CR2: variants seen among roughly 807,000 people sequenced by gnomAD.
CR2 encodes complement C3d receptor 2, also known as complement receptor type 2.
Under a neutral mutation model 123.0 loss-of-function variants are expected in CR2, and 96 were observed. The observed-to-expected ratio is 0.78, with a 90% CI of 0.66 to 0.93. CR2 has a LOEUF of 0.93. Among genes scored for constraint, CR2 ranks in the 40% least tolerant of loss-of-function variants. The probability of loss-of-function intolerance (pLI) is 0.00; values close to 1 mark genes in which losing one functional copy is unlikely to be tolerated. For synonymous variants in CR2, 484 were observed against 469.5 expected, an observed-to-expected ratio of 1.03 and a Z score of -0.40; for missense variants, 1,258 against 1,361.0, an observed-to-expected ratio of 0.92 and a Z score of 1.19.
At chr1:207,462,733 TTGAA>T (rs1282638943) in intron 1 of CR2, among the ~76,000 whole-genome samples, 1 of 152,060 alleles carries the variant, frequency 6.6e-6, no homozygotes, top group African/African-American at 2.4e-5. Flanking sequence ...CAGTAAGTAA[TTGAA>T]TGAAGAGAAG....
intron 1 of CR2, among the ~76,000 whole-genome samples, chr1:207,461,272 A>G (rs74857976): frequency 0.013 from 2,011 of 152,210 alleles, 40 homozygotes; most frequent in African/African-American, 0.046. Flanking sequence ...CTCTGACCTC[A>G]CTGTGAAAAA....
intron 1 of CR2, among the ~76,000 whole-genome samples, chr1:207,455,115 G>A (rs572116949): frequency 2.1e-4 from 32 of 152,274 alleles, no homozygotes; most frequent in Middle Eastern, 6.8e-3. Context: ...GTGGACGTCC[G>A]CAAAGGTCTC....
chr1:207,465,606 T>A (rs543797090), intron 1 of CR2, among the ~76,000 whole-genome samples: 2 of 152,326 alleles, frequency 1.3e-5, no homozygotes, highest in East Asian at 3.9e-4. Context: ...ATAGCACTGA[T>A]GTGATGAAAC....
chr1:207,479,394 C>A, intron 17 of CR2, 114 bp downstream of exon 17: 1 of 761,754 alleles, frequency 1.3e-6, no homozygotes, highest in Non-Finnish European at 2.2e-6. Context: ...GGAATGTTCT[C>A]TTTTTGGTGT....
intron 19 of CR2, 84 bp downstream of exon 19, chr1:207,485,656 G>A (rs1317540636): frequency 1.0e-5 from 8 of 772,964 alleles, no homozygotes; most frequent in Non-Finnish European, 1.6e-5. Context: ...CATTCACGGT[G>A]TATATACATG....
chr1:207,466,426 C>T, intron 1 of CR2, 100 bp from the exon 2 acceptor site: 1 of 1,367,976 alleles, frequency 7.3e-7, no homozygotes, highest in South Asian at 1.2e-5. Context: ...AAGTCTGTTT[C>T]TGAAAAAGTT....
In CR2 at chr1:207,489,714, A is replaced by T. The variant is rs1658837461; in HGVS notation, c.*591A>T. 6.6e-6 allele frequency: 1 copy of T among 152,154 alleles called. No individual in the cohort carries two copies. The highest frequency in any genetic ancestry group is 2.1e-4 in the South Asian group (1 of 4,836). The allele number at this position is 152,154 out of a possible 1,614,324, so 9.4% of individuals were successfully genotyped here. A position where few individuals can be genotyped will look rare whatever the true frequency, so the allele number is the denominator to read the frequency against. The stretch of plus-strand genomic sequence containing the variant: ...CTTTCCATAATCACTCAGTGATTGC[A>T]ATTTGCACAAGTTTTTTTAAATTAT... On this transcript the variant is annotated 3_prime_UTR_variant, in exon 20 of 20. Transcript: ENST00000367057.
At chr1:207,463,729 CTT>C (rs934094261) in intron 1 of CR2, among the ~76,000 whole-genome samples, 1 of 152,042 alleles carries the variant, frequency 6.6e-6, no homozygotes, top group African/African-American at 2.4e-5. Flanking sequence ...TTTCTTATCT[CTT>C]TGTCTTTAGA....
At position 207,472,974 on chromosome 1, in the gene CR2, C is replaced by G; in HGVS notation, c.1773C>G (p.Pro591=). The G allele has an allele frequency of 1.2e-6, 2 of 1,613,990 alleles. No individual in the cohort carries two copies. The highest frequency in any genetic ancestry group is 1.7e-6 in the Non-Finnish European group (2 of 1,179,938). The part of the protein sequence containing the change: ...QERGTWSGPA[P]LCKLSLLAVQ... ...GAGGCACCTGGAGTGGCCCTGCTCC[C>G]CTGTGTAAACTTTCCCTCCTTGCTG... Residue 591 remains proline, a synonymous_variant, in exon 10 of 20, where the codon CCC becomes CCG. Coordinates refer to ENST00000367057, the MANE Select transcript of CR2 (RefSeq NM_001006658.3).
Position 207,468,809 on chromosome 1 carries a change from G to T in CR2, c.644G>T (p.Cys215Phe), listed in dbSNP as rs1558190249. Residue 215 changes from cysteine to phenylalanine, a missense_variant, in exon 4 of 20, where the codon TGT (cysteine) becomes TTT (phenylalanine). Cys to Phe is a radical substitution (Grantham distance 205). Coordinates refer to ENST00000367057, the MANE Select transcript of CR2 (RefSeq NM_001006658.3). ...AVPPTCEEAR[C>F]KSLGRFPNGK... is the part of the protein sequence containing the mutation. ...TTGGTTTGTTTTTTAGAGGCACGCT[G>T]TAAATCTCTAGGACGATTTCCCAAT... is the stretch of plus-strand genomic sequence containing the variant. 1 of 1,614,012 alleles carries T rather than the reference G, an allele frequency of 6.2e-7. No individual in the cohort carries two copies. Among genetic ancestry groups the T allele is most frequent in the Non-Finnish European group, 8.5e-7 (1 of 1,179,934 alleles).
At chr1:207,462,379 GTGCAAGAACA>G (rs952768890) in intron 1 of CR2, among the ~76,000 whole-genome samples, 13 of 152,312 alleles carry the variant, frequency 8.5e-5, no homozygotes, top group Admixed American at 2.6e-4. Flanking sequence ...AAGCATAAGT[GTGCAAGAACA>G]TGATGTCTCT....
intron 1 of CR2, among the ~76,000 whole-genome samples, chr1:207,456,996 C>T (rs991593639): frequency 6.6e-5 from 10 of 152,206 alleles, no homozygotes; most frequent in African/African-American, 2.4e-4. Context: ...CTCTGTTGTG[C>T]TTCTCTGACT....
At chr1:207,471,280 T>A (rs763451084) in intron 8 of CR2, 143 bp from the exon 9 acceptor site, 3 of 890,202 alleles carry the variant, frequency 3.4e-6, no homozygotes, top group Admixed American at 1.7e-5. Context: ...GCCTGTGCAA[T>A]GAGAAGTTGG....
rs1210123747 is a variant in CR2 at position 207,471,466 on chromosome 1, A to G, written c.1537A>G (p.Ile513Val). The change falls in exon 9 of 20, where the codon ATT (isoleucine) becomes GTT (valine). Residue 513 changes from isoleucine to valine, a missense_variant. Coordinates refer to ENST00000367057, the MANE Select transcript of CR2 (RefSeq NM_001006658.3). Reference sequence around the variant, plus strand: ...TGTTTATCAGGAGTGTCAAGGCACAATTCCTTGGTTTATGGAGATTCGTCT... The same window carrying G: ...TGTTTATCAGGAGTGTCAAGGCACAGTTCCTTGGTTTATGGAGATTCGTCT... ...GSVYQECQGT[I>V]PWFMEIRLCK... 11 of 1,612,900 alleles carry G rather than the reference A, an allele frequency of 6.8e-6. No individual in the cohort carries two copies. Among genetic ancestry groups the G allele is most frequent in the Non-Finnish European group, 8.5e-6 (10 of 1,179,114 alleles).
In CR2 at chr1:207,468,495, C is replaced by A. The variant is rs2063143; in HGVS notation, c.446-32C>A. 6.2e-6 allele frequency: 10 copies of A among 1,610,044 alleles called. No individual in the cohort carries two copies. In the Admixed American group the frequency reaches 1.2e-4, roughly 19 times the overall value. On this transcript the variant is annotated intron_variant, in intron 2 of 19. Transcript: ENST00000367057. ...AGATTGTGAAGGATGCATCATCTGA[C>A]GGCTTTTTTTTCCTGGTATGTGTGT... is the stretch of plus-strand genomic sequence containing the variant.
intron 18 of CR2, 80 bp downstream of exon 18, chr1:207,480,133 A>C (rs1452427509): frequency 1.0e-6 from 1 of 1,001,666 alleles, no homozygotes; most frequent in African/African-American, 1.6e-5. Context: ...ACACAGAAGC[A>C]CAAGTTATGT....
At chr1:207,486,634 A>G (rs1572968378) in intron 19 of CR2, among the ~76,000 whole-genome samples, 1 of 152,236 alleles carries the variant, frequency 6.6e-6, no homozygotes, top group African/African-American at 2.4e-5. Flanking sequence ...GGCTGCTGCA[A>G]TCATCCAGGC....
At position 207,468,849 on chromosome 1, in the gene CR2, G is replaced by A; in HGVS notation, c.684G>A (p.Glu228=). The A allele has an allele frequency of 1.2e-5, 19 of 1,614,048 alleles. No individual in the cohort carries two copies. Among genetic ancestry groups the A allele is most frequent in the Non-Finnish European group, 1.4e-5 (17 of 1,179,942 alleles). ...GATTTCCCAATGGGAAGGTAAAGGAGCCTCCAATTCTCCGGGTTGGTGTAA... is the reference window on the plus strand; with the variant it reads ...GATTTCCCAATGGGAAGGTAAAGGAACCTCCAATTCTCCGGGTTGGTGTAA... The part of the protein sequence containing the change: ...LGRFPNGKVK[E]PPILRVGVTA... The change falls in exon 4 of 20, where the codon GAG becomes GAA. Residue 228 remains glutamate, a synonymous_variant. Transcript: ENST00000367057.
At position 207,471,046 on chromosome 1, in the gene CR2, C is replaced by G. The variant is rs1483606533; in HGVS notation, c.1452C>G (p.His484Gln). ...TGRQLLTKPQHQFVRPDVNSS... is the reference protein window; with the variant it reads ...TGRQLLTKPQQQFVRPDVNSS... ...GGCAACTCTTGACAAAACCCCAGCA[C>G]CAATTTGTTAGACCAGATGTCAACT... The change falls in exon 8 of 20, where the codon CAC (histidine) becomes CAG (glutamine). Residue 484 changes from histidine to glutamine, a missense_variant. His to Gln is a conservative substitution (Grantham distance 24). Transcript: ENST00000367057. The G allele has an allele frequency of 1.2e-6, 2 of 1,613,736 alleles. No individual in the cohort carries two copies. Among genetic ancestry groups the G allele is most frequent in the East Asian group, 2.2e-5 (1 of 44,874 alleles).
Sources: gnomAD v4.1 joint callset for allele counts (sites outside exome capture counted in the v4.1 genomes callset) on GRCh38, gnomAD v4.1.1 for gene constraint, MANE v1.5 for transcripts, NCBI Gene and HGNC (gene_info 2026-07-23, HGNC 2026-07-21) for gene names.